The following NEB variants were observed in gnomAD, a reference collection of about 807,000 sequenced individuals.
The protein encoded by NEB is nebulin, also known as nemaline myopathy type 2.
Under a neutral mutation model 952.2 loss-of-function variants are expected in NEB, and 512 were observed. That is an observed-to-expected ratio of 0.54 (90% confidence interval 0.50 to 0.58). The LOEUF is 0.58. Among genes scored for constraint, NEB ranks in the 20% least tolerant of loss-of-function variants. The pLI is 0.00. For synonymous variants in NEB, 2,900 were observed against 3,149.8 expected (o/e 0.92, Z 2.66); for missense variants, 8,428 against 9,231.1 (o/e 0.91, Z 3.56).
At position 151,655,825 on chromosome 2, in the gene NEB, T is replaced by C. The variant is rs2099081313; in HGVS notation, c.6694A>G (p.Met2232Val). The C allele has an allele frequency of 1.9e-6, 3 of 1,613,502 alleles. No homozygotes were observed. Among genetic ancestry groups the C allele is most frequent in the Non-Finnish European group, 1.7e-6 (2 of 1,179,726 alleles). ...GCCACTGTTCTCTGTACCTTGTTCATGGTATGTGCATTCTGCTTGGCAAGC... is the reference window on the plus strand; with the variant it reads ...GCCACTGTTCTCTGTACCTTGTTCACGGTATGTGCATTCTGCTTGGCAAGC... ...MVLAKQNAHT[M>V]NKHLYTIDWN... is the part of the protein sequence containing the mutation. Residue 2232 changes from methionine (M) to valine (V), a missense_variant, in exon 50 of 182, where the codon ATG becomes GTG. By Grantham distance (21) the Met-to-Val change is conservative. Around this residue, in one of 11 missense-constraint regions of NEB, gnomAD observed 2,851 missense variants for 2,791.5 expected, o/e 1.02. Transcript: ENST00000397345.
At chr2:151,553,349 A>G (rs1304371235) in intron 127 of NEB, 49 bp downstream of exon 127, 1 of 1,415,118 alleles carries the variant, frequency 7.1e-7, no homozygotes, top group South Asian at 1.2e-5. Flanking sequence ...TTAACTCTAG[A>G]CTATGGAGAA....
rs763118275 is a variant in NEB at position 151,696,616 on chromosome 2, T to C, written c.1569+21A>G. ...TGTTATCCCTCATAATTGGGTGTCC[T>C]GAGTAGTTAGAGGAACTTACGTCAC... On this transcript the variant is annotated intron_variant, in intron 17 of 181. Transcript: ENST00000397345. 5.1e-6 allele frequency: 8 copies of C among 1,573,400 alleles called. No individual in the cohort carries two copies. In the South Asian group the frequency reaches 8.9e-5, roughly 17 times the overall value.
chr2:151,619,648 G>A lies in NEB; in HGVS notation c.10675C>T (p.Arg3559Cys), dbSNP rs751938843. ...TTCTCAAAATCTTTCTTGTACTCAC[G>A]GTCACTCTGCACTTTGGCAATGTGG... The part of the protein sequence containing the change: ...SLHIAKVQSD[R>C]EYKKDFEKYK... Residue 3559 changes from arginine to cysteine, a missense_variant, in exon 73 of 182, where the codon CGT becomes TGT. This residue lies in a region of NEB where 1,772 missense variants were observed against 1,960.3 expected (regional missense o/e 0.90). Transcript: ENST00000397345. The A allele has an allele frequency of 2.0e-5, 33 of 1,613,766 alleles. No individual in the cohort carries two copies. The East Asian group carries it at 4.2e-4, about 21-fold the overall frequency.
At chr2:151,493,713 G>T in intron 175 of NEB, 62 bp downstream of exon 175, 1 of 1,253,972 alleles carries the variant, frequency 8.0e-7, no homozygotes, top group Non-Finnish European at 1.1e-6. Flanking sequence ...TAAATTAGTG[G>T]TACAACCATG....
At chr2:151,628,620 C>T (rs187997329) in intron 68 of NEB, among the ~76,000 whole-genome samples, 18 of 152,162 alleles carry the variant, frequency 1.2e-4, no homozygotes, top group Admixed American at 2.6e-4. Context: ...GGAGGCGGAT[C>T]GCCTGAGGTC....
rs2153632972 is a variant in NEB, at chr2:151,549,682, G to C, written c.20003C>G (p.Thr6668Ser). Residue 6668 changes from threonine (T) to serine (S), a missense_variant, in exon 130 of 182, where the codon ACT becomes AGT. Physicochemically the swap from Thr to Ser is moderately conservative, Grantham distance 58. Coordinates refer to ENST00000397345, the MANE Select transcript of NEB (RefSeq NM_001164508.2). ...GTCCTTGATGTGTTTGAAGTGAGGAGTGTCACCTGGAAGTCTATATCCAGT... is the reference window on the plus strand; with the variant it reads ...GTCCTTGATGTGTTTGAAGTGAGGACTGTCACCTGGAAGTCTATATCCAGT... ...LPTGYRLPGD[T>S]PHFKHIKDTR... The C allele has an allele frequency of 6.2e-7, 1 of 1,601,590 alleles. No homozygotes were observed. Among genetic ancestry groups the C allele is most frequent in the Non-Finnish European group, 8.5e-7 (1 of 1,173,614 alleles).
Position 151,717,248 on chromosome 2 carries a change from C to T in NEB, c.822+168G>A, listed in dbSNP as rs74435646. Among the ~76,000 whole-genome samples the T allele has an allele frequency of 6.5e-3, 996 of 152,260 alleles. 12 individuals carry two copies. The highest frequency in any genetic ancestry group is 0.057 in the East Asian group (296 of 5,184). ...AAACATTTATTAACACAGTTCTTGA[C>T]GTTTATGGATGTATTGCTTTTGCTG... On this transcript the variant is annotated intron_variant, in intron 10 of 181. Coordinates refer to ENST00000397345, the MANE Select transcript of NEB (RefSeq NM_001164508.2).
At chr2:151,713,996 AATGAGT>A (rs1030117462) in intron 10 of NEB, among the ~76,000 whole-genome samples, 10 of 152,142 alleles carry the variant, frequency 6.6e-5, no homozygotes, top group African/African-American at 2.4e-4. Flanking sequence ...TCCCTAGTAT[AATGAGT>A]ATTTTGAATT....
In NEB at chr2:151,618,227, T is replaced by C. The variant is rs552515749; in HGVS notation, c.11076+48A>G. 8.5e-5 allele frequency: 128 copies of C among 1,506,844 alleles called. No homozygotes were observed. The East Asian group carries it at 2.6e-3, about 30-fold the overall frequency. The allele number at this position is 1,506,844 out of a possible 1,614,324, so 93.3% of individuals were successfully genotyped here. A position where few individuals can be genotyped will look rare whatever the true frequency, so the allele number is the denominator to read the frequency against. Reference sequence around the variant, plus strand: ...CAATAATATATCAGAATTTTTAAATTGTTCTGTGGTAACTTTCGGTATCTA... The same window carrying C: ...CAATAATATATCAGAATTTTTAAATCGTTCTGTGGTAACTTTCGGTATCTA... On this transcript the variant is annotated intron_variant, in intron 74 of 181. Coordinates refer to ENST00000397345, the MANE Select transcript of NEB (RefSeq NM_001164508.2).
chr2:151,657,716 A>G (rs1232424937), intron 48 of NEB, among the ~76,000 whole-genome samples: 2 of 152,208 alleles, frequency 1.3e-5, no homozygotes, highest in African/African-American at 4.8e-5. Context: ...GAATTTCTAT[A>G]AGCCATAGCC....
rs757326038 is a variant in NEB, at chr2:151,656,460, T to C, written c.6188A>G (p.Lys2063Arg). 1.3e-6 allele frequency: 2 copies of C among 1,595,088 alleles called. No individual in the cohort carries two copies. The highest frequency in any genetic ancestry group is 3.4e-5 in the Admixed American group (2 of 59,330). The change falls in exon 49 of 182, where the codon AAA becomes AGA. Residue 2063 changes from lysine to arginine, a missense_variant. By Grantham distance (26) the Lys-to-Arg change is conservative. Transcript: ENST00000397345. Reference protein sequence around the residue: ...KASRDIASDYKYKYNYEKGKG... With the variant: ...KASRDIASDYRYKYNYEKGKG... ...CCCTTTTTCATAATTGTACTTGTAT[T>C]TATACTGTGAAGAAAATATGAGTTT...
Position 151,675,380 on chromosome 2 carries a change from C to A in NEB, c.3786G>T (p.Lys1262Asn), listed in dbSNP as rs112229327. The A allele has an allele frequency of 1.5e-5, 24 of 1,570,628 alleles. No individual in the cohort carries two copies. The highest frequency in any genetic ancestry group is 1.8e-5 in the Non-Finnish European group (21 of 1,154,056). Reference sequence around the variant, plus strand: ...TATGTTTCACATCTTCTCCTTTAGCCTTGTATAAGATCTGCAATAAAATGC... The same window carrying A: ...TATGTTTCACATCTTCTCCTTTAGCATTGTATAAGATCTGCAATAAAATGC... ...NTKQVSDILYKAKGEDVKHKY... is the reference protein window; with the variant it reads ...NTKQVSDILYNAKGEDVKHKY... The change falls in exon 35 of 182, where the codon AAG becomes AAT. Residue 1262 changes from lysine to asparagine, a missense_variant. By Grantham distance (94) the Lys-to-Asn change is moderately conservative. This residue lies in a region of NEB where 2,851 missense variants were observed against 2,791.5 expected (regional missense o/e 1.02). Transcript: ENST00000397345.
At chr2:151,503,065 G>A (rs2065946219) in intron 166 of NEB, 180 bp from the exon 167 acceptor site, 1 of 580,490 alleles carries the variant, frequency 1.7e-6, no homozygotes, top group Non-Finnish European at 3.0e-6. Context: ...TGCTAATTCT[G>A]GAAATGAAAA....
At chr2:151,529,372 T>G (rs1559583457) in intron 145 of NEB, 58 bp from the exon 146 acceptor site, 2 of 1,122,834 alleles carry the variant, frequency 1.8e-6, no homozygotes, top group Non-Finnish European at 2.7e-6. Flanking sequence ...ACTGAGCATC[T>G]TAAAAAACAA....
chr2:151,656,307 T>C lies in NEB; in HGVS notation c.6341A>G (p.His2114Arg). The C allele has an allele frequency of 2.5e-6, 4 of 1,613,636 alleles. No homozygotes were observed. The highest frequency in any genetic ancestry group is 3.4e-6 in the Non-Finnish European group (4 of 1,179,718). The change falls in exon 49 of 182, where the codon CAC becomes CGC. Residue 2114 changes from histidine (H) to arginine (R), a missense_variant. By Grantham distance (29) the His-to-Arg change is conservative (BLOSUM62 0). Coordinates refer to ENST00000397345, the MANE Select transcript of NEB (RefSeq NM_001164508.2). The part of the protein sequence containing the change: ...KNYENTKTSY[H>R]TPADMLSVTA... Reference sequence around the variant, plus strand: ...GACACTGAGCATGTCGGCAGGGGTGTGGTAGCTGGTCTTTGTGTTCTCATA... The same window carrying C: ...GACACTGAGCATGTCGGCAGGGGTGCGGTAGCTGGTCTTTGTGTTCTCATA...
At position 151,643,912 on chromosome 2, in the gene NEB, T is replaced by C. The variant is rs2098920228; in HGVS notation, c.7862A>G (p.Asp2621Gly). Reference sequence around the variant, plus strand: ...GTGCAGGTAGTTCTTGTAGTCCACGTCGCTGACTAAGGTCTGGCACTTCTT... The same window carrying C: ...GTGCAGGTAGTTCTTGTAGTCCACGCCGCTGACTAAGGTCTGGCACTTCTT... ...LAKKCQTLVS[D>G]VDYKNYLHQW... The change falls in exon 57 of 182, where the codon GAC (aspartate) becomes GGC (glycine). Residue 2621 changes from aspartate to glycine, a missense_variant. Asp to Gly is a moderately conservative substitution (Grantham distance 94). Coordinates refer to ENST00000397345, the MANE Select transcript of NEB (RefSeq NM_001164508.2). 1 of 1,613,954 alleles carries C rather than the reference T, an allele frequency of 6.2e-7. No individual in the cohort carries two copies. Among genetic ancestry groups the C allele is most frequent in the Admixed American group, 1.7e-5 (1 of 60,026 alleles).
intron 158 of NEB, 69 bp downstream of exon 158, chr2:151,514,749 C>A: frequency 9.0e-7 from 1 of 1,115,548 alleles, no homozygotes; most frequent in Non-Finnish European, 1.3e-6. Flanking sequence ...GTAGGAGGAA[C>A]ACATTAATGA....
At chr2:151,490,229 G>T in intron 180 of NEB, 143 bp downstream of exon 180, 1 of 1,186,338 alleles carries the variant, frequency 8.4e-7, no homozygotes, top group Non-Finnish European at 1.2e-6. Context: ...ACTTCATGCA[G>T]CCCTCCACAA....
intron 70 of NEB, 127 bp from the exon 71 acceptor site, chr2:151,625,765 C>A: frequency 1.9e-6 from 1 of 516,104 alleles, no homozygotes; most frequent in Non-Finnish European, 3.3e-6. Flanking sequence ...TGTTAATATT[C>A]TTTTCAACCT....
Sources: gnomAD v4.1 joint callset for allele counts (sites outside exome capture counted in the v4.1 genomes callset) on GRCh38, gnomAD v4.1.1 for gene constraint, gnomAD v4.1.1 regional missense constraint, MANE v1.5 for transcripts, NCBI Gene and HGNC (gene_info 2026-07-23, HGNC 2026-07-21) for gene names.